TRDN: variants seen among roughly 807,000 people sequenced by gnomAD.
The protein encoded by TRDN is triadin in skeletal muscle.
A neutral mutation model predicts 149.7 loss-of-function variants in TRDN; 161 were observed. The observed-to-expected ratio is 1.08, with a 90% CI of 0.95 to 1.23. The LOEUF is 1.23. TRDN is among the 50% of genes most tolerant of loss of function. The probability of loss-of-function intolerance (pLI) is 0.00; values close to 1 mark genes in which losing one functional copy is unlikely to be tolerated. For synonymous variants in TRDN, 294 were observed against 250.5 expected, an observed-to-expected ratio of 1.17 and a Z score of -1.64; for missense variants, 896 against 823.5, an observed-to-expected ratio of 1.09 and a Z score of -1.08.
intron 1 of TRDN, among the ~76,000 whole-genome samples, chr6:123,632,855 AT>A (rs893785316): frequency 9.0e-4 from 131 of 146,130 alleles, no homozygotes; most frequent in South Asian, 1.7e-3. Flanking sequence ...TGAATTCTTG[AT>A]TTTTTTTTTT....
intron 38 of TRDN, among the ~76,000 whole-genome samples, chr6:123,239,726 G>T (rs1038925985): frequency 1.3e-5 from 2 of 151,954 alleles, no homozygotes; most frequent in African/African-American, 4.8e-5. Flanking sequence ...ACATATAAAA[G>T]TTTGTGGGAT....
chr6:123,340,092 A>C (rs575483096), intron 21 of TRDN, among the ~76,000 whole-genome samples: 1 of 152,242 alleles, frequency 6.6e-6, no homozygotes, highest in Non-Finnish European at 1.5e-5. Flanking sequence ...TTTTACTTTT[A>C]ATTGTATTGT....
At chr6:123,337,419 A>C (rs1283385671) in intron 22 of TRDN, among the ~76,000 whole-genome samples, 200 bp downstream of exon 22, 2 of 151,932 alleles carry the variant, frequency 1.3e-5, no homozygotes, top group South Asian at 2.1e-4. Context: ...TGGGAATTGT[A>C]ATCAGAGCAC....
intron 10 of TRDN, chr6:123,456,900 A>G: frequency 4.4e-6 from 2 of 455,706 alleles, no homozygotes; most frequent in Admixed American, 4.7e-5. Context: ...CTGGTATAAT[A>G]GGAAGAAATA....
At position 123,347,872 on chromosome 6, in the gene TRDN, A is replaced by T. The variant is rs138648225; in HGVS notation, c.1369+4667T>A. On this transcript the variant is annotated intron_variant, in intron 21 of 40. Coordinates refer to ENST00000334268, the MANE Select transcript of TRDN (RefSeq NM_006073.4). ...GATTGATAGAGCTAAACTAAGCCCA[A>T]AGTTTTATTTGGAGATAGCTCTGTG... 4.8e-3 allele frequency among the ~76,000 whole-genome samples: 732 copies of T among 152,178 alleles called. 9 individuals carry two copies. Among genetic ancestry groups the T allele is most frequent in the Non-Finnish European group, 4.8e-3 (325 of 67,970 alleles).
At chr6:123,366,274 T>C in intron 19 of TRDN, 92 bp from the exon 20 acceptor site, 2 of 1,289,122 alleles carry the variant, frequency 1.6e-6, no homozygotes, top group Non-Finnish European at 1.1e-6. Flanking sequence ...AAAGATAAAA[T>C]GTATGTTGCA....
At chr6:123,494,691 C>A (rs936970407) in intron 9 of TRDN, among the ~76,000 whole-genome samples, 1 of 152,096 alleles carries the variant, frequency 6.6e-6, no homozygotes, top group Non-Finnish European at 1.5e-5. Flanking sequence ...TTTCTTGAAC[C>A]AACACAGGTG....
chr6:123,630,232 G>A (rs747252885), intron 1 of TRDN, among the ~76,000 whole-genome samples: 18 of 151,956 alleles, frequency 1.2e-4, no homozygotes, highest in Non-Finnish European at 2.2e-4. Context: ...TGTCCCCAAC[G>A]GGTTTCTTTT....
At position 123,216,825 on chromosome 6, in the gene TRDN, C is replaced by A. The variant is rs1049035485; in HGVS notation, c.*1776G>T. 1 of 151,834 alleles carries A rather than the reference C, an allele frequency of 6.6e-6. No homozygotes were observed. The allele number at this position is 151,834 out of a possible 1,614,324, so 9.4% of individuals were successfully genotyped here. On this transcript the variant is annotated 3_prime_UTR_variant, in exon 41 of 41. Coordinates refer to ENST00000334268, the MANE Select transcript of TRDN (RefSeq NM_006073.4). The stretch of plus-strand genomic sequence containing the variant: ...TTGTACAATACAGCACCTAACACAG[C>A]GCCCTAAAAGAGTAGGTATTCAATA...
At position 123,604,073 on chromosome 6, in the gene TRDN, C is replaced by G. The variant is rs376648527; in HGVS notation, c.22+32681G>C. ...ACTAACTCAACTACTGAATTTGTCC[C>G]CTTTTATCATTTGACAAATGAATAT... On this transcript the variant is annotated intron_variant, in intron 1 of 40. Transcript: ENST00000334268. Among the ~76,000 whole-genome samples, 25 of 152,244 alleles carry G rather than the reference C, an allele frequency of 1.6e-4. 1 individual carries two copies. Among genetic ancestry groups the G allele is most frequent in the East Asian group, 1.5e-3 (8 of 5,188 alleles).
chr6:123,265,285 G>C, intron 33 of TRDN, 33 bp downstream of exon 33: 1 of 1,382,456 alleles, frequency 7.2e-7, no homozygotes. Flanking sequence ...AATGAAATAG[G>C]ACAATTTTAA....
intron 33 of TRDN, among the ~76,000 whole-genome samples, chr6:123,264,088 G>A (rs1262330107): frequency 1.3e-5 from 2 of 151,974 alleles, no homozygotes; most frequent in Non-Finnish European, 2.9e-5. Flanking sequence ...TGCAGCCCGT[G>A]GGACTAAAGA....
At chr6:123,568,877 C>G (rs950781451) in intron 2 of TRDN, among the ~76,000 whole-genome samples, 1 of 152,218 alleles carries the variant, frequency 6.6e-6, no homozygotes, top group Non-Finnish European at 1.5e-5. Context: ...CACGTAGCTT[C>G]TTTTTAGTTA....
intron 1 of TRDN, among the ~76,000 whole-genome samples, chr6:123,601,475 T>C (rs998359609): frequency 2.6e-5 from 4 of 152,182 alleles, no homozygotes; most frequent in Non-Finnish European, 5.9e-5. Flanking sequence ...ACAGGGACTA[T>C]ATTTTTTAAC....
intron 5 of TRDN, among the ~76,000 whole-genome samples, chr6:123,519,414 C>T (rs1363167625): frequency 6.6e-6 from 1 of 151,778 alleles, no homozygotes; most frequent in Non-Finnish European, 1.5e-5. Context: ...TGGCAGTCAC[C>T]AGGCAGACTA....
chr6:123,495,261 G>A (rs1288304379), intron 9 of TRDN, among the ~76,000 whole-genome samples: 1 of 151,794 alleles, frequency 6.6e-6, no homozygotes, highest in African/African-American at 2.4e-5. Flanking sequence ...GCTCATGCCT[G>A]TAATCCCAGC....
At chr6:123,612,432 G>A (rs114002310) in intron 1 of TRDN, among the ~76,000 whole-genome samples, 8,054 of 151,568 alleles carry the variant, frequency 0.053, 729 homozygotes, top group African/African-American at 0.18. Flanking sequence ...TTAAAAAAAG[G>A]AAATAAGAAC....
chr6:123,392,464 T>C (rs540644567), intron 13 of TRDN, among the ~76,000 whole-genome samples: 1 of 152,120 alleles, frequency 6.6e-6, no homozygotes, highest in African/African-American at 2.4e-5. Context: ...AAAACATATA[T>C]ACACTAATAG....
chr6:123,377,715 C>A lies in TRDN; in HGVS notation c.1246+1G>T, dbSNP rs1781563164. ...AATCCAGCAACAGTGGTCTTACTCA[C>A]CTGAGTGTTCTTTCTTTGGTGACTT... is the stretch of plus-strand genomic sequence containing the variant. On this transcript the variant is annotated splice_donor_variant, in intron 18 of 40. Transcript: ENST00000334268. LOFTEE classifies it high-confidence loss of function. 3 of 1,613,046 alleles carry A rather than the reference C, an allele frequency of 1.9e-6. No individual in the cohort carries two copies. Among genetic ancestry groups the A allele is most frequent in the Admixed American group, 1.7e-5 (1 of 59,944 alleles).
Sources: gnomAD v4.1 joint callset for allele counts (sites outside exome capture counted in the v4.1 genomes callset) on GRCh38, gnomAD v4.1.1 for gene constraint, MANE v1.5 for transcripts, NCBI Gene and HGNC (gene_info 2026-07-23, HGNC 2026-07-21) for gene names.